The following CCDC7 variants were observed in gnomAD, a reference collection of about 807,000 sequenced individuals.
CCDC7 encodes coiled-coil domain containing 7.
CCDC7 carries 183 observed loss-of-function variants against 196.9 expected under a neutral mutation model. The observed-to-expected ratio is 0.93, with a 90% confidence interval of 0.82 to 1.05. The LOEUF (loss-of-function observed/expected upper bound fraction) is 1.05, where lower values mean the gene tolerates loss of function less well. Among genes scored for constraint, CCDC7 ranks in the 50% least tolerant of loss-of-function variants. The pLI is 0.00. For missense variants in CCDC7, 1,540 were observed against 1,482.2 expected, an observed-to-expected ratio of 1.04 and a Z score of -0.64; for synonymous variants, 525 against 484.6, an observed-to-expected ratio of 1.08 and a Z score of -1.10.
At chr10:32,860,782 C>T (rs2093951825) in intron 41 of CCDC7, among the ~76,000 whole-genome samples, 1 of 151,734 alleles carries the variant, frequency 6.6e-6, no homozygotes, top group Non-Finnish European at 1.5e-5. Flanking sequence ...AAACAGAGAG[C>T]CAAATCATGA....
Position 32,851,688 on chromosome 10 carries a change from A to C in CCDC7, c.3896-119A>C. On this transcript the variant is annotated intron_variant, in intron 39 of 41. Coordinates refer to ENST00000639629, the Ensembl canonical transcript of CCDC7. The stretch of plus-strand genomic sequence containing the variant: ...TCTATGTATCCTTTCAGTTTTTTTA[A>C]ATGTTTGCTTTATATATTTAGATGC... 3.0e-6 allele frequency: 3 copies of C among 996,966 alleles called. No homozygotes were observed. The South Asian group carries it at 5.2e-5, about 17-fold the overall frequency. 61.8% of individuals were successfully genotyped at this position (996,966 alleles called of 1,614,324 possible). A position where few individuals can be genotyped will look rare whatever the true frequency, so the allele number is the denominator to read the frequency against.
At chr10:32,707,687 A>T (rs2080034634) in intron 24 of CCDC7, among the ~76,000 whole-genome samples, 1 of 152,230 alleles carries the variant, frequency 6.6e-6, no homozygotes, top group Admixed American at 6.5e-5. Context: ...ACAGACAAAC[A>T]GAGAGCCAAA....
chr10:32,695,067 C>A, intron 24 of CCDC7, 75 bp downstream of exon 25: 1 of 703,016 alleles, frequency 1.4e-6, no homozygotes, highest in Non-Finnish European at 2.2e-6. Flanking sequence ...TGGTTCATGA[C>A]TATGTAGTTG....
At chr10:32,699,824 A>G (rs1209410510) in intron 24 of CCDC7, among the ~76,000 whole-genome samples, 1 of 149,468 alleles carries the variant, frequency 6.7e-6, no homozygotes, top group Non-Finnish European at 1.5e-5. Flanking sequence ...GCATTTTTTC[A>G]TCTGTCTGTT....
chr10:32,443,764 G>A (rs1440841878), upstream of CCDC7, among the ~76,000 whole-genome samples: 1 of 151,650 alleles, frequency 6.6e-6, no homozygotes, highest in Non-Finnish European at 1.5e-5. Flanking sequence ...TTTCAAGATT[G>A]TTTTGGCTCT....
intron 3 of CCDC7, among the ~76,000 whole-genome samples, chr10:32,459,732 G>A (rs1520546): frequency 0.39 from 51,025 of 130,422 alleles, 11,165 homozygotes; most frequent in Non-Finnish European, 0.51. Context: ...ATTTACAATT[G>A]ACTTTGAATT....
intron 20 of CCDC7, among the ~76,000 whole-genome samples, chr10:32,655,552 A>G (rs1467641995): frequency 6.6e-6 from 1 of 151,988 alleles, no homozygotes; most frequent in Non-Finnish European, 1.5e-5. Context: ...TGAGAGACAG[A>G]GTCTTGCTCT....
Position 32,660,444 on chromosome 10 carries a change from A to G in CCDC7, c.2015-3610A>G, listed in dbSNP as rs2140360518. On this transcript the variant is annotated intron_variant, in intron 20 of 41. Transcript: ENST00000639629. ...TCCAATTTCATCCATGTCCCTACAA[A>G]GGACATGAACTCATCATTTTTTATG... 3.0e-5 allele frequency among the ~76,000 whole-genome samples: 4 copies of G among 135,544 alleles called. No homozygotes were observed. The Admixed American group carries it at 3.1e-4, about 11-fold the overall frequency. The allele number at this position is 135,544 out of a possible 152,430, so 88.9% of individuals were successfully genotyped here.
chr10:32,480,833 T>C (rs1161069425), intron 8 of CCDC7, among the ~76,000 whole-genome samples: 2 of 152,226 alleles, frequency 1.3e-5, no homozygotes, highest in Non-Finnish European at 2.9e-5. Flanking sequence ...TGCTGTTGAA[T>C]GGACTATCTT....
chr10:32,640,869 T>C lies in CCDC7; in HGVS notation c.2014+5711T>C, dbSNP rs11009013. On this transcript the variant is annotated intron_variant, in intron 20 of 41. Transcript: ENST00000639629. ...TCTTCTGGCTTGTAGATTTTCTTTT[T>C]TTTTTTCTTTTTTTTTTTATTATAC... is the stretch of plus-strand genomic sequence containing the variant. 3.7e-3 allele frequency among the ~76,000 whole-genome samples: 246 copies of C among 66,110 alleles called. 5 individuals carry two copies. Among genetic ancestry groups the C allele is most frequent in the African/African-American group, 7.3e-3 (228 of 31,192 alleles). The allele number at this position is 66,110 out of a possible 152,430, so 43.4% of individuals were successfully genotyped here.
At chr10:32,760,738 A>G (rs557863950) in intron 28 of CCDC7, among the ~76,000 whole-genome samples, 1 of 151,778 alleles carries the variant, frequency 6.6e-6, no homozygotes, top group African/African-American at 2.4e-5. Flanking sequence ...TAAACCTTAA[A>G]GTATAATAAT....
intron 28 of CCDC7, among the ~76,000 whole-genome samples, chr10:32,767,480 A>G (rs568722464): frequency 7.2e-4 from 109 of 152,276 alleles, no homozygotes; most frequent in African/African-American, 2.5e-3. Context: ...ACAAGTATCT[A>G]TTCCTTTAAA....
intron 1 of CCDC7, among the ~76,000 whole-genome samples, 153 bp from the exon 3 acceptor site, chr10:32,453,188 TGGG>T (rs2033532655): frequency 6.6e-6 from 1 of 152,124 alleles, no homozygotes; most frequent in African/African-American, 2.4e-5. Context: ...GACATGAAAT[TGGG>T]TATGGGATGA....
At chr10:32,828,564 A>G (rs1422080688) in intron 32 of CCDC7, among the ~76,000 whole-genome samples, 1 of 150,692 alleles carries the variant, frequency 6.6e-6, no homozygotes, top group Non-Finnish European at 1.5e-5. Context: ...AGAAGAAAGA[A>G]GAAGAAGAAG....
chr10:32,617,510 A>G (rs2062909517), intron 18 of CCDC7, among the ~76,000 whole-genome samples: 1 of 151,766 alleles, frequency 6.6e-6, no homozygotes, highest in Admixed American at 6.6e-5. Context: ...ATTTAATAAA[A>G]TTTTTAAATT....
chr10:32,603,253 A>G (rs948504654), intron 18 of CCDC7, among the ~76,000 whole-genome samples: 1 of 151,796 alleles, frequency 6.6e-6, no homozygotes, highest in African/African-American at 2.4e-5. Flanking sequence ...ATGACCTCCA[A>G]TTTCCTCCAT....
intron 11 of CCDC7, among the ~76,000 whole-genome samples, chr10:32,529,552 G>T (rs1467424643): frequency 6.6e-6 from 1 of 151,990 alleles, no homozygotes; most frequent in East Asian, 1.9e-4. Flanking sequence ...TATGTTTATT[G>T]GCCATTTGTA....
intron 11 of CCDC7, among the ~76,000 whole-genome samples, chr10:32,538,854 C>T (rs1039073476): frequency 1.3e-5 from 2 of 151,954 alleles, no homozygotes; most frequent in Admixed American, 6.6e-5. Context: ...TGGCGGATTA[C>T]GTTTTTGATG....
rs150382973 is a variant in CCDC7 at position 32,455,424 on chromosome 10, C to T, written c.373-827C>T. On this transcript the variant is annotated intron_variant, in intron 2 of 41. Coordinates refer to ENST00000639629, the Ensembl canonical transcript of CCDC7. ...CTGCCTCCTGGATTCAAGCGCTTTT[C>T]GTGCCTCAGCCACCCACGTAGCTGG... Among the ~76,000 whole-genome samples the T allele has an allele frequency of 3.7e-3, 564 of 152,112 alleles. 5 individuals carry two copies. Among genetic ancestry groups the T allele is most frequent in the Admixed American group, 6.0e-3 (92 of 15,278 alleles).
Sources: allele counts gnomAD v4.1 joint callset (sites outside exome capture counted in the v4.1 genomes callset), GRCh38; gene constraint gnomAD v4.1.1; transcripts MANE v1.5; gene names NCBI Gene and HGNC (gene_info 2026-07-23, HGNC 2026-07-21).